Variants in KIAA1217 observed in about 807,000 individuals in gnomAD.
The protein encoded by KIAA1217 is sickle tail protein homolog.
A neutral mutation model predicts 163.9 loss-of-function variants in KIAA1217; 88 were observed. The ratio of observed to expected loss-of-function variants is 0.54; its 90% CI spans 0.45 to 0.64. The LOEUF is 0.64. Among genes scored for constraint, KIAA1217 ranks in the 30% least tolerant of loss-of-function variants. The probability of loss-of-function intolerance (pLI) is 0.00; values close to 1 mark genes in which losing one functional copy is unlikely to be tolerated. For missense variants in KIAA1217, 2,372 were observed against 2,475.0 expected, an observed-to-expected ratio of 0.96 and a Z score of 0.88; for synonymous variants, 903 against 923.1, an observed-to-expected ratio of 0.98 and a Z score of 0.39.
chr10:24,058,413 CT>C (rs1343442251), intron 2 of KIAA1217, among the ~76,000 whole-genome samples: 1 of 152,044 alleles, frequency 6.6e-6, no homozygotes, highest in Non-Finnish European at 1.5e-5. Context: ...AGAGTTGTAT[CT>C]TCTACTTCTG....
chr10:24,308,054 T>TA (rs1328118140), intron 2 of KIAA1217, among the ~76,000 whole-genome samples: 1 of 152,206 alleles, frequency 6.6e-6, no homozygotes, highest in Non-Finnish European at 1.5e-5. Flanking sequence ...TAGCCTAAGA[T>TA]AATTGAGTGC....
chr10:24,234,386 G>A (rs572272473), intron 2 of KIAA1217, among the ~76,000 whole-genome samples: 3 of 151,922 alleles, frequency 2.0e-5, no homozygotes, highest in African/African-American at 7.3e-5. Flanking sequence ...TATATCGGCC[G>A]GGTGCGGTGG....
chr10:24,509,393 A>G (rs933665589), intron 9 of KIAA1217, among the ~76,000 whole-genome samples: 1 of 152,182 alleles, frequency 6.6e-6, no homozygotes, highest in Non-Finnish European at 1.5e-5. Context: ...CCTCAGCAGG[A>G]TCCTGTAAGG....
At chr10:24,329,556 T>C (rs549077988) in intron 2 of KIAA1217, among the ~76,000 whole-genome samples, 1 of 152,264 alleles carries the variant, frequency 6.6e-6, no homozygotes, top group East Asian at 1.9e-4. Flanking sequence ...CTGGAGTATG[T>C]CAATGGGAAG....
intron 2 of KIAA1217, among the ~76,000 whole-genome samples, chr10:24,343,211 T>C (rs2047323765): frequency 2.0e-5 from 3 of 152,208 alleles, no homozygotes; most frequent in Non-Finnish European, 2.9e-5. Flanking sequence ...TTACAAATCT[T>C]ACCAGAAATG....
At chr10:23,705,002 A>G (rs1836791080) in intron 1 of KIAA1217, among the ~76,000 whole-genome samples, 1 of 152,088 alleles carries the variant, frequency 6.6e-6, no homozygotes. Flanking sequence ...TCTGGATTTG[A>G]AATGGTATCT....
At chr10:23,938,840 A>G (rs577733398) in intron 1 of KIAA1217, among the ~76,000 whole-genome samples, 67 of 152,336 alleles carry the variant, frequency 4.4e-4, no homozygotes, top group African/African-American at 1.6e-3. Context: ...TCAACAAGGT[A>G]AACTTCACAA....
intron 5 of KIAA1217, among the ~76,000 whole-genome samples, chr10:24,461,874 G>A (rs2062440434): frequency 6.6e-6 from 1 of 152,124 alleles, no homozygotes; most frequent in African/African-American, 2.4e-5. Flanking sequence ...TGCAGCGATG[G>A]AGACCCTGTG....
chr10:23,702,666 T>C (rs1204621026), intron 1 of KIAA1217, among the ~76,000 whole-genome samples: 7 of 134,420 alleles, frequency 5.2e-5, no homozygotes, highest in South Asian at 2.5e-4. Flanking sequence ...AACAGGAGAA[T>C]ACACACACAC....
chr10:24,522,222 G>A (rs553513940), intron 12 of KIAA1217, among the ~76,000 whole-genome samples: 1 of 152,238 alleles, frequency 6.6e-6, no homozygotes, highest in South Asian at 2.1e-4. Flanking sequence ...CACTCAGGAG[G>A]TACAGGCAGA....
chr10:23,980,957 G>A lies in KIAA1217; in HGVS notation c.-320-26268G>A, dbSNP rs555574085. Reference sequence around the variant, plus strand: ...TGCTATTTTTACTCTGAAATCTATGGAGTTCATTTGTCTTCTCAACATTAG... The same window carrying A: ...TGCTATTTTTACTCTGAAATCTATGAAGTTCATTTGTCTTCTCAACATTAG... On this transcript the variant is annotated intron_variant, in intron 1 of 18. Coordinates refer to the KIAA1217 transcript ENST00000376462. Among the ~76,000 whole-genome samples, 28 of 152,238 alleles carry A rather than the reference G, an allele frequency of 1.8e-4. No homozygotes were observed. In the South Asian group the frequency reaches 4.2e-3, roughly 23 times the overall value.
intron 3 of KIAA1217, among the ~76,000 whole-genome samples, chr10:24,421,232 C>T (rs758613629): frequency 1.1e-4 from 17 of 152,208 alleles, no homozygotes; most frequent in African/African-American, 1.7e-4. Flanking sequence ...TCTCAAGCTA[C>T]GGACCTCAGG....
chr10:24,496,518 G>C (rs995942793), intron 8 of KIAA1217, among the ~76,000 whole-genome samples: 8 of 152,336 alleles, frequency 5.3e-5, no homozygotes, highest in African/African-American at 1.9e-4. Flanking sequence ...CAATATGTAC[G>C]TGCTGTTTTG....
intron 1 of KIAA1217, among the ~76,000 whole-genome samples, chr10:23,871,045 C>A (rs1176902274): frequency 6.6e-6 from 1 of 150,494 alleles, no homozygotes; most frequent in Non-Finnish European, 1.5e-5. Flanking sequence ...AAGCTGCATA[C>A]TTTCCTCCGT....
Position 24,219,979 on chromosome 10 carries a change from T to C in KIAA1217, c.354+70T>C. 4.8e-6 allele frequency: 7 copies of C among 1,458,118 alleles called. No individual in the cohort carries two copies. In the South Asian group the frequency reaches 8.2e-5, roughly 17 times the overall value. 90.3% of individuals were successfully genotyped at this position (1,458,118 alleles called of 1,614,324 possible). On this transcript the variant is annotated intron_variant, in intron 2 of 20. Transcript: ENST00000376454. ...TGAACATCGAGGAAAGCAAACTTAC[T>C]TTCTTTGTAAAAGGTAAAGGATAGC...
intron 2 of KIAA1217, among the ~76,000 whole-genome samples, chr10:24,363,793 CA>C (rs1169328567): frequency 6.6e-6 from 1 of 151,664 alleles, no homozygotes; most frequent in Non-Finnish European, 1.5e-5. Flanking sequence ...GCTGGTTTTG[CA>C]CACCTGACCT....
chr10:24,051,102 G>T (rs1032596807), intron 2 of KIAA1217, among the ~76,000 whole-genome samples: 1 of 152,110 alleles, frequency 6.6e-6, no homozygotes, highest in African/African-American at 2.4e-5. Context: ...AGTTCCCAAA[G>T]TCCATTATAT....
chr10:24,307,714 C>T lies in KIAA1217; in HGVS notation c.355-73155C>T, dbSNP rs1015553688. On this transcript the variant is annotated intron_variant, in intron 2 of 20. Transcript: ENST00000376454. ...GGAGGATTGCTTGAGCGTAAGAGGT[C>T]GGGGCTACATTGAGCCGTGATTGTG... Among the ~76,000 whole-genome samples, 18 of 151,950 alleles carry T rather than the reference C, an allele frequency of 1.2e-4. 1 individual carries two copies. Among genetic ancestry groups the T allele is most frequent in the Admixed American group, 9.2e-4 (14 of 15,268 alleles).
chr10:23,870,773 C>G (rs938095834), intron 1 of KIAA1217, among the ~76,000 whole-genome samples: 1 of 152,116 alleles, frequency 6.6e-6, no homozygotes, highest in African/African-American at 2.4e-5. Flanking sequence ...AGTCTGGCTA[C>G]AAAATCAAGG....
Sources: allele counts gnomAD v4.1 joint callset (sites outside exome capture counted in the v4.1 genomes callset), GRCh38; gene constraint gnomAD v4.1.1; transcripts MANE v1.5; gene names NCBI Gene and HGNC (gene_info 2026-07-23, HGNC 2026-07-21).